The following PSG9 variants were observed in gnomAD, a reference collection of about 807,000 sequenced individuals.
PSG9 encodes pregnancy specific beta-1-glycoprotein 9.
PSG9 carries 49 observed loss-of-function variants against 41.9 expected under a neutral mutation model. The observed-to-expected ratio is 1.17, with a 90% CI of 0.93 to 1.48. The LOEUF is 1.48. Among genes scored for constraint, PSG9 ranks in the 40% most tolerant of loss-of-function variants. The pLI, the probability that PSG9 is intolerant of heterozygous loss-of-function variation, is 0.00. For synonymous variants in PSG9, 263 were observed against 196.8 expected, an observed-to-expected ratio of 1.34 and a Z score of -2.82; for missense variants, 641 against 520.3, an observed-to-expected ratio of 1.23 and a Z score of -2.26.
Position 43,267,876 on chromosome 19 carries a change from G to C in PSG9, c.338C>G (p.Thr113Ser). Residue 113 changes from threonine (T) to serine (S), a missense_variant, in exon 2 of 6, where the codon ACC (threonine) becomes AGC (serine). Coordinates refer to ENST00000270077, the MANE Select transcript of PSG9 (RefSeq NM_002784.5). Reference sequence around the variant, plus strand: ...GGTGTAGGTTCCTGCATCCTTCCGGGTGACATTCTGGATCAGCAGGGATGC... The same window carrying C: ...GGTGTAGGTTCCTGCATCCTTCCGGCTGACATTCTGGATCAGCAGGGATGC... ...SNASLLIQNVTRKDAGTYTLH... is the reference protein window; with the variant it reads ...SNASLLIQNVSRKDAGTYTLH... 1 of 1,613,792 alleles carries C rather than the reference G, an allele frequency of 6.2e-7. No homozygotes were observed. Among genetic ancestry groups the C allele is most frequent in the African/African-American group, 1.3e-5 (1 of 74,994 alleles).
At chr19:43,255,230 G>A (rs10404369) in intron 5 of PSG9, among the ~76,000 whole-genome samples, 99,942 of 145,152 alleles carry the variant, frequency 0.69, 37,606 homozygotes, top group East Asian at 0.9. Flanking sequence ...TAGATGAAAT[G>A]GACCAACTCC....
chr19:43,268,221 C>T, intron 1 of PSG9, 72 bp from the exon 2 acceptor site: 1 of 1,486,910 alleles, frequency 6.7e-7, no homozygotes. Context: ...GCCCTGGGTC[C>T]TGAGAAGGTC....
intron 2 of PSG9, among the ~76,000 whole-genome samples, chr19:43,265,682 A>G (rs184886607): frequency 3.9e-5 from 6 of 152,194 alleles, no homozygotes; most frequent in African/African-American, 1.4e-4. Flanking sequence ...TCTTTCTCCG[A>G]CTACAGACCA....
intron 1 of PSG9, 97 bp from the exon 2 acceptor site, chr19:43,268,246 C>G: frequency 7.0e-7 from 1 of 1,436,842 alleles, no homozygotes; most frequent in Non-Finnish European, 9.4e-7. Flanking sequence ...CCATCCTCAG[C>G]CTTGAAGATA....
Position 43,258,813 on chromosome 19 carries a change from C to T in PSG9, c.988+44G>A, listed in dbSNP as rs200612606. On this transcript the variant is annotated intron_variant, in intron 4 of 5. Coordinates refer to ENST00000270077, the MANE Select transcript of PSG9 (RefSeq NM_002784.5). ...GAGGCCTGGCATCTGGTCGTTTGGACTTAAGCTGGTGTCCTGGCCCACAGA... is the reference window on the plus strand; with the variant it reads ...GAGGCCTGGCATCTGGTCGTTTGGATTTAAGCTGGTGTCCTGGCCCACAGA... The T allele has an allele frequency of 2.9e-4, 462 of 1,577,568 alleles. 42 individuals are homozygous for T. Among genetic ancestry groups the T allele is most frequent in the East Asian group, 1.1e-3 (42 of 37,316 alleles).
intron 5 of PSG9, chr19:43,257,563 C>T (rs1042666095): frequency 1.3e-5 from 13 of 982,254 alleles, no homozygotes; most frequent in Admixed American, 1.2e-4. Context: ...GGCTCCCTCT[C>T]TTCTTATTTC....
chr19:43,262,077 A>T lies in PSG9; in HGVS notation c.492T>A (p.Ala164=). The change falls in exon 3 of 6, where the codon GCT becomes GCA. Residue 164 remains alanine (A), a synonymous_variant. Transcript: ENST00000270077. ...TCTCAGGATCACAGATTAAGCGCAC[A>T]GCCTCCATGGCCTCCCTGGGGTTTA... ...SNLNPREAME[A]VRLICDPETL... is the part of the protein sequence containing the mutation. The T allele has an allele frequency of 6.2e-7, 1 of 1,614,012 alleles. No homozygotes were observed. The highest frequency in any genetic ancestry group is 1.7e-4 in the Middle Eastern group (1 of 6,058).
In PSG9 at chr19:43,257,248, G is replaced by A. The variant is rs554150598; in HGVS notation, c.1243+954C>T. On this transcript the variant is annotated intron_variant, in intron 5 of 5. Coordinates refer to ENST00000270077, the MANE Select transcript of PSG9 (RefSeq NM_002784.5). ...TGGGTACAGAGGTTTAATATGGTAA[G>A]AGGAAAAAGTTCTGGAAATGGATAG... 1.0e-4 allele frequency: 56 copies of A among 549,768 alleles called. 8 individuals carry two copies. The African/African-American group carries it at 1.2e-3, about 12-fold the overall frequency. The allele number at this position is 549,768 out of a possible 1,614,324, so 34.1% of individuals were successfully genotyped here.
At chr19:43,263,812 G>A (rs1054503301) in intron 2 of PSG9, among the ~76,000 whole-genome samples, 14 of 152,024 alleles carry the variant, frequency 9.2e-5, no homozygotes, top group Admixed American at 2.0e-4. Context: ...AGAGAGTCCC[G>A]TTAAAAGGAC....
chr19:43,266,380 G>A (rs1186678560), intron 2 of PSG9, among the ~76,000 whole-genome samples: 1 of 151,760 alleles, frequency 6.6e-6, no homozygotes, highest in African/African-American at 2.4e-5. Context: ...AAGAGGTTTT[G>A]GATCATTCAT....
chr19:43,265,711 T>G (rs58350205), intron 2 of PSG9, among the ~76,000 whole-genome samples: 34,557 of 151,992 alleles, frequency 0.23, 4,686 homozygotes, highest in East Asian at 0.49. Flanking sequence ...ATAATTTTTT[T>G]TGTGTGTGTG....
intron 2 of PSG9, among the ~76,000 whole-genome samples, chr19:43,265,859 T>C (rs186266418): frequency 1.2e-4 from 18 of 152,158 alleles, no homozygotes; most frequent in African/African-American, 3.6e-4. Context: ...ATATTTCTCT[T>C]AGTGACCTGG....
At position 43,262,232 on chromosome 19, in the gene PSG9, G is replaced by A. The variant is rs1238846822; in HGVS notation, c.431-94C>T. 88 of 1,536,028 alleles carry A rather than the reference G, an allele frequency of 5.7e-5. 2 individuals carry two copies. Among genetic ancestry groups the A allele is most frequent in the Non-Finnish European group, 6.6e-5 (75 of 1,143,082 alleles). The stretch of plus-strand genomic sequence containing the variant: ...CAGAGTTGGCATTTCCCACCTCTCA[G>A]CCCAACCCAGTCCTTAAAAGCCCAT... On this transcript the variant is annotated intron_variant, in intron 2 of 5. Coordinates refer to ENST00000270077, the MANE Select transcript of PSG9 (RefSeq NM_002784.5).
In PSG9 at chr19:43,269,386, T is replaced by A; in HGVS notation, c.46A>T (p.Lys16Ter). ...TCCTCACCTGTGAGCAGGAGCCCCT[T>A]CCAGGTGATGCGCTGTGTGCAGGAA... ...APSCTQRITW[K>*]GLLLTASLLN... Residue 16 changes from lysine (K) to a stop codon, truncating the protein, a stop_gained, in exon 1 of 6, where the codon AAG (lysine) becomes TAG (stop). Coordinates refer to ENST00000270077, the MANE Select transcript of PSG9 (RefSeq NM_002784.5). LOFTEE classifies it high-confidence loss of function. 1 of 1,613,586 alleles carries A rather than the reference T, an allele frequency of 6.2e-7. No homozygotes were observed. Among genetic ancestry groups the A allele is most frequent in the African/African-American group, 1.3e-5 (1 of 75,018 alleles).
In PSG9 at chr19:43,258,707, G is replaced by A. The variant is rs186087801; in HGVS notation, c.988+150C>T. On this transcript the variant is annotated intron_variant, in intron 4 of 5. Transcript: ENST00000270077. Reference sequence around the variant, plus strand: ...TCTTGGTTAAGGCTGTGCCTACCCAGGTTTTCCCAGGGCAGGGAGTCATGG... The same window carrying A: ...TCTTGGTTAAGGCTGTGCCTACCCAAGTTTTCCCAGGGCAGGGAGTCATGG... The A allele has an allele frequency of 1.1e-3, 1,592 of 1,398,474 alleles. 98 individuals are homozygous for A. Among genetic ancestry groups the A allele is most frequent in the Admixed American group, 2.4e-3 (97 of 39,870 alleles). The allele number at this position is 1,398,474 out of a possible 1,614,324, so 86.6% of individuals were successfully genotyped here.
chr19:43,263,089 A>G (rs1183635684), intron 2 of PSG9, among the ~76,000 whole-genome samples: 1 of 152,162 alleles, frequency 6.6e-6, no homozygotes, highest in Non-Finnish European at 1.5e-5. Flanking sequence ...CTCTCATTGG[A>G]CATTCTACTG....
At chr19:43,265,415 C>T (rs751162494) in intron 2 of PSG9, among the ~76,000 whole-genome samples, 14 of 152,226 alleles carry the variant, frequency 9.2e-5, no homozygotes, top group South Asian at 2.1e-4. Flanking sequence ...TTCTGGCAAC[C>T]GGCTGACCTC....
At chr19:43,257,697 G>A (rs58027867) in intron 5 of PSG9, 275,538 of 1,110,584 alleles carry the variant, frequency 0.25, 51,154 homozygotes, top group East Asian at 0.9. Context: ...GTGAGGCAGG[G>A]CCAGTCACCA....
Position 43,258,197 on chromosome 19 carries a change from C to A in PSG9, c.1243+5G>T. On this transcript the variant is annotated splice_donor_5th_base_variant and intron_variant, in intron 5 of 5. Coordinates refer to ENST00000270077, the MANE Select transcript of PSG9 (RefSeq NM_002784.5). ...CTACTGCCAAGGATGCTGGGATCCA[C>A]TTACCAGAGACTTTGACTGTCATGG... The A allele has an allele frequency of 1.3e-6, 2 of 1,592,806 alleles. No individual in the cohort carries two copies. Among genetic ancestry groups the A allele is most frequent in the Non-Finnish European group, 1.7e-6 (2 of 1,174,494 alleles).
Sources: gnomAD v4.1 joint callset for allele counts (sites outside exome capture counted in the v4.1 genomes callset) on GRCh38, gnomAD v4.1.1 for gene constraint, MANE v1.5 for transcripts, NCBI Gene and HGNC (gene_info 2026-07-23, HGNC 2026-07-21) for gene names.